The following ERMP1 variants were observed in gnomAD, a reference collection of about 807,000 sequenced individuals.
ERMP1 encodes Felix-ina.
ERMP1 carries 86 observed loss-of-function variants against 92.0 expected under a neutral mutation model. The observed-to-expected ratio is 0.93, with a 90% CI of 0.79 to 1.12. The LOEUF (loss-of-function observed/expected upper bound fraction) is 1.12. Ranked by LOEUF, ERMP1 falls within the 50% of genes most tolerant of loss-of-function variation. The pLI, the probability that ERMP1 is intolerant of heterozygous loss-of-function variation, is 0.00. For missense variants in ERMP1, 1,342 were observed against 1,116.3 expected (o/e 1.20, Z -2.88); for synonymous variants, 530 against 412.8 (o/e 1.28, Z -3.44).
rs1317637889 is a variant in ERMP1 at position 5,784,789 on chromosome 9, C to G, written c.*2355G>C. On this transcript the variant is annotated 3_prime_UTR_variant, in exon 15 of 15. Transcript: ENST00000339450. ...ACAAACACTTCATGCGACAATCATTCTTAGGTCAAACACAAGAACGAACTA... is the reference window on the plus strand; with the variant it reads ...ACAAACACTTCATGCGACAATCATTGTTAGGTCAAACACAAGAACGAACTA... 6.6e-6 allele frequency: 1 copy of G among 150,434 alleles called. No individual in the cohort carries two copies. The highest frequency in any genetic ancestry group is 1.9e-4 in the East Asian group (1 of 5,200). 9.3% of individuals were successfully genotyped at this position (150,434 alleles called of 1,614,324 possible). A position where few individuals can be genotyped will look rare whatever the true frequency, so the allele number is the denominator to read the frequency against.
upstream of ERMP1, among the ~76,000 whole-genome samples, chr9:5,836,818 G>A (rs1159302822): frequency 6.6e-6 from 1 of 152,154 alleles, no homozygotes; most frequent in African/African-American, 2.4e-5. Flanking sequence ...GGCAAGAAAG[G>A]GCATTCTAAA....
intron 12 of ERMP1, among the ~76,000 whole-genome samples, chr9:5,798,535 C>T (rs1828540337): frequency 6.6e-6 from 1 of 151,756 alleles, no homozygotes; most frequent in Non-Finnish European, 1.5e-5. Context: ...GAGATAGATG[C>T]TTATTGGCTA....
At chr9:5,845,152 TTTTG>T (rs146732430) in intron 6 of ERMP1, among the ~76,000 whole-genome samples, 73,684 of 118,210 alleles carry the variant, frequency 0.62, 20,243 homozygotes, top group South Asian at 0.75. Flanking sequence ...TGTTTTTTTT[TTTTG>T]TTGTTGTGGT....
chr9:5,795,463 A>G (rs913578528), intron 13 of ERMP1, among the ~76,000 whole-genome samples: 2 of 152,220 alleles, frequency 1.3e-5, no homozygotes, highest in African/African-American at 4.8e-5. Flanking sequence ...TCTGCAGATG[A>G]TAAGATTGTC....
chr9:5,858,410 A>G (rs1377324345), intron 6 of ERMP1, among the ~76,000 whole-genome samples: 1 of 152,184 alleles, frequency 6.6e-6, no homozygotes, highest in Non-Finnish European at 1.5e-5. Context: ...TGGGCATGCA[A>G]ACAAGAGCCA....
At chr9:5,795,775 C>G (rs1170770920) in intron 13 of ERMP1, among the ~76,000 whole-genome samples, 1 of 150,996 alleles carries the variant, frequency 6.6e-6, no homozygotes, top group East Asian at 1.9e-4. Context: ...GAGACTGTCT[C>G]AAAAAAGAAA....
At chr9:5,842,434 C>CAAAAAAAA (rs57411750) in intron 6 of ERMP1, among the ~76,000 whole-genome samples, 1 of 107,894 alleles carries the variant, frequency 9.3e-6, no homozygotes, top group African/African-American at 3.4e-5. Context: ...GAGACTGTCT[C>CAAAAAAAA]AAAAAAAAAA....
chr9:5,832,184 T>C (rs1320033747), intron 1 of ERMP1, among the ~76,000 whole-genome samples: 4 of 151,894 alleles, frequency 2.6e-5, no homozygotes, highest in African/African-American at 9.7e-5. Context: ...GCATACCAAA[T>C]TTTGACTGGG....
intron 3 of ERMP1, among the ~76,000 whole-genome samples, chr9:5,824,537 G>A (rs1316374621): frequency 6.6e-6 from 1 of 152,070 alleles, no homozygotes; most frequent in Non-Finnish European, 1.5e-5. Context: ...CGAATAGCTG[G>A]GATTACAGGC....
intron 2 of ERMP1, among the ~76,000 whole-genome samples, chr9:5,827,388 T>C (rs1325414728): frequency 6.6e-6 from 1 of 152,160 alleles, no homozygotes; most frequent in East Asian, 1.9e-4. Flanking sequence ...AAAAAAAATC[T>C]CACGTTTTGA....
intron 5 of ERMP1, among the ~76,000 whole-genome samples, chr9:5,860,694 CT>C (rs1240545887): frequency 6.6e-6 from 1 of 151,702 alleles, no homozygotes; most frequent in Non-Finnish European, 1.5e-5. Flanking sequence ...AGCAATCCTC[CT>C]GCCTCAGCAT....
Position 5,805,028 on chromosome 9 carries a change from A to C in ERMP1, c.1913T>G (p.Phe638Cys). 6.3e-7 allele frequency: 1 copy of C among 1,596,870 alleles called. No individual in the cohort carries two copies. Among genetic ancestry groups the C allele is most frequent in the Non-Finnish European group, 8.5e-7 (1 of 1,175,922 alleles). Residue 638 changes from phenylalanine to cysteine, a missense_variant and splice_region_variant, in exon 10 of 15, where the codon TTT becomes TGT. Phe to Cys is a radical substitution (Grantham distance 205, BLOSUM62 -2). Coordinates refer to ENST00000339450, the MANE Select transcript of ERMP1 (RefSeq NM_024896.3). ...AGAAAAAAACTTATTTTCTCTTACA[A>C]AATAGGACGAGAGAATCATTGTACA... is the stretch of plus-strand genomic sequence containing the variant. ...AGCTMILSSY[F>C]INFIYLAKST...
At chr9:5,818,285 T>A (rs1407563799) in intron 4 of ERMP1, among the ~76,000 whole-genome samples, 1 of 151,846 alleles carries the variant, frequency 6.6e-6, no homozygotes, top group Non-Finnish European at 1.5e-5. Context: ...TTCTTTAAAA[T>A]GGAGGAAAAG....
intron 7 of ERMP1, 129 bp from the exon 8 acceptor site, chr9:5,810,360 G>C (rs1352458592): frequency 4.7e-6 from 3 of 641,956 alleles, no homozygotes; most frequent in Non-Finnish European, 5.4e-6. Context: ...GTATGAAAAT[G>C]TCCTAGTGTT....
chr9:5,861,173 GTGTGT>G (rs1563786840), intron 5 of ERMP1, among the ~76,000 whole-genome samples: 12 of 49,422 alleles, frequency 2.4e-4, no homozygotes, highest in Admixed American at 7.7e-4. Flanking sequence ...CTTAGGGGGT[GTGTGT>G]GTGTGTGTGT....
At chr9:5,857,738 A>T (rs1830396776) in intron 6 of ERMP1, among the ~76,000 whole-genome samples, 2 of 152,184 alleles carry the variant, frequency 1.3e-5, no homozygotes, top group Non-Finnish European at 2.9e-5. Flanking sequence ...ATCCCACGTT[A>T]TCTGTAGCCT....
chr9:5,809,610 A>C (rs1206578239), intron 8 of ERMP1, among the ~76,000 whole-genome samples: 1 of 152,236 alleles, frequency 6.6e-6, no homozygotes, highest in Non-Finnish European at 1.5e-5. Context: ...GACACTACCT[A>C]AGCACAGAGG....
chr9:5,853,721 T>G (rs962877142), intron 6 of ERMP1, among the ~76,000 whole-genome samples: 2 of 151,264 alleles, frequency 1.3e-5, no homozygotes, highest in Non-Finnish European at 2.9e-5. Flanking sequence ...AACTCGAGCA[T>G]GTGTTAGAAT....
At chr9:5,834,666 G>A (rs541725953), upstream of ERMP1, among the ~76,000 whole-genome samples, 1 of 151,326 alleles carries the variant, frequency 6.6e-6, no homozygotes, top group East Asian at 1.9e-4. Context: ...CTCTGGATAA[G>A]AGCCTAGCCC....
Sources: allele counts gnomAD v4.1 joint callset (sites outside exome capture counted in the v4.1 genomes callset), GRCh38; gene constraint gnomAD v4.1.1; transcripts MANE v1.5; gene names NCBI Gene and HGNC (gene_info 2026-07-23, HGNC 2026-07-21).